Variants in COG5 observed in about 807,000 individuals in gnomAD.
The protein encoded by COG5 is conserved oligomeric Golgi complex subunit 5.
A neutral mutation model predicts 110.4 loss-of-function variants in COG5; 86 were observed. That is an observed-to-expected ratio of 0.78 (90% confidence interval 0.65 to 0.93). The LOEUF (loss-of-function observed/expected upper bound fraction) is 0.93, where lower values mean the gene tolerates loss of function less well. COG5 is among the 40% of genes least tolerant of loss of function. The pLI is 0.00. For synonymous variants in COG5, 360 were observed against 334.6 expected (o/e 1.08, Z -0.83); for missense variants, 1,077 against 987.0 (o/e 1.09, Z -1.22).
chr7:107,464,163 C>T (rs1451975557), intron 6 of COG5, among the ~76,000 whole-genome samples: 1 of 152,162 alleles, frequency 6.6e-6, no homozygotes, highest in Non-Finnish European at 1.5e-5. Flanking sequence ...ACTGCATTTA[C>T]ATTCAATTTC....
intron 7 of COG5, among the ~76,000 whole-genome samples, chr7:107,394,352 GTT>G (rs946552559): frequency 2.0e-5 from 3 of 150,450 alleles, no homozygotes; most frequent in African/African-American, 7.3e-5. Context: ...TGGCACAATC[GTT>G]TTCTTTACAA....
In COG5 at chr7:107,493,046, C is replaced by T. The variant is rs548838445; in HGVS notation, c.538+34191G>A. 7.2e-5 allele frequency among the ~76,000 whole-genome samples: 11 copies of T among 152,216 alleles called. No homozygotes were observed. In the Middle Eastern group the frequency reaches 0.01, roughly 141 times the overall value. ...GGGGCCTTTTGGGAGATGTTTAGCT[C>T]ATATAGGCTCCACCTTATGTACACA... On this transcript the variant is annotated intron_variant, in intron 6 of 21. Coordinates refer to ENST00000297135, the MANE Select transcript of COG5 (RefSeq NM_006348.5).
intron 12 of COG5, among the ~76,000 whole-genome samples, chr7:107,291,492 G>T (rs1806170261): frequency 1.3e-5 from 2 of 152,094 alleles, no homozygotes; most frequent in African/African-American, 4.8e-5. Context: ...TTATTTTAAT[G>T]AAGTCTATCT....
At chr7:107,288,523 T>A (rs1244078598) in intron 12 of COG5, among the ~76,000 whole-genome samples, 1 of 152,102 alleles carries the variant, frequency 6.6e-6, no homozygotes, top group Non-Finnish European at 1.5e-5. Flanking sequence ...CGTGACATAG[T>A]GGTTCTGATT....
chr7:107,557,558 A>G (rs1563099443), intron 2 of COG5, among the ~76,000 whole-genome samples: 1 of 152,262 alleles, frequency 6.6e-6, no homozygotes, highest in Non-Finnish European at 1.5e-5. Context: ...TCCTACTCAC[A>G]ATAACATTTA....
At chr7:107,250,128 T>G (rs1160239967) in intron 16 of COG5, among the ~76,000 whole-genome samples, 2 of 152,094 alleles carry the variant, frequency 1.3e-5, no homozygotes, top group Non-Finnish European at 2.9e-5. Flanking sequence ...GAGAGTAAAC[T>G]GGACAAATTA....
At chr7:107,452,282 C>G (rs1795386243) in intron 6 of COG5, among the ~76,000 whole-genome samples, 1 of 152,176 alleles carries the variant, frequency 6.6e-6, no homozygotes, top group African/African-American at 2.4e-5. Flanking sequence ...ACATTACTCC[C>G]TTGGAGTCAT....
intron 17 of COG5, among the ~76,000 whole-genome samples, chr7:107,247,899 G>C (rs1688443370): frequency 6.6e-6 from 1 of 152,196 alleles, no homozygotes; most frequent in African/African-American, 2.4e-5. Context: ...CTTGGAGGAG[G>C]TTGGGCTGCA....
intron 7 of COG5, among the ~76,000 whole-genome samples, chr7:107,379,869 G>C (rs545662249): frequency 7.9e-5 from 12 of 152,080 alleles, no homozygotes; most frequent in Non-Finnish European, 1.3e-4. Flanking sequence ...TGAGATCAAC[G>C]AGACAGAAAA....
intron 6 of COG5, among the ~76,000 whole-genome samples, chr7:107,526,430 T>C (rs570065942): frequency 2.0e-5 from 3 of 152,206 alleles, no homozygotes; most frequent in Non-Finnish European, 4.4e-5. Flanking sequence ...CCATGAACAT[T>C]AAACTCTTGA....
intron 10 of COG5, among the ~76,000 whole-genome samples, chr7:107,329,703 G>T (rs1810079325): frequency 6.6e-6 from 1 of 151,192 alleles, no homozygotes; most frequent in African/African-American, 2.4e-5. Context: ...ACCATCCTTG[G>T]CAACAGCGAG....
intron 8 of COG5, among the ~76,000 whole-genome samples, chr7:107,369,494 C>A (rs2129048987): frequency 6.7e-6 from 1 of 148,154 alleles, no homozygotes; most frequent in Non-Finnish European, 1.5e-5. Context: ...TCAAGCGATT[C>A]TCCTGCCTCA....
At chr7:107,390,035 G>A (rs1181971311) in intron 7 of COG5, among the ~76,000 whole-genome samples, 1 of 152,164 alleles carries the variant, frequency 6.6e-6, no homozygotes, top group Non-Finnish European at 1.5e-5. Context: ...TTCAACTCAT[G>A]TATCACTAAT....
At chr7:107,313,673 C>T (rs1381550835) in intron 11 of COG5, among the ~76,000 whole-genome samples, 2 of 152,124 alleles carry the variant, frequency 1.3e-5, no homozygotes, top group Non-Finnish European at 2.9e-5. Context: ...ATTACTCCTA[C>T]CTCTGTTTCC....
At chr7:107,305,904 T>G (rs1173156437) in intron 11 of COG5, among the ~76,000 whole-genome samples, 1 of 152,118 alleles carries the variant, frequency 6.6e-6, no homozygotes, top group Non-Finnish European at 1.5e-5. Flanking sequence ...ATACGCACTT[T>G]GTATGTACAA....
chr7:107,232,428 A>G (rs1800842983), intron 18 of COG5, among the ~76,000 whole-genome samples: 1 of 152,226 alleles, frequency 6.6e-6, no homozygotes, highest in African/African-American at 2.4e-5. Context: ...TTTTTTACAT[A>G]CTGAAATTAT....
intron 6 of COG5, among the ~76,000 whole-genome samples, chr7:107,483,926 A>G (rs1270290940): frequency 6.6e-6 from 1 of 151,646 alleles, no homozygotes; most frequent in Non-Finnish European, 1.5e-5. Context: ...TCACAAATTC[A>G]GTAAGATCCT....
intron 5 of COG5, among the ~76,000 whole-genome samples, chr7:107,545,476 T>C (rs1802343916): frequency 6.6e-6 from 1 of 152,088 alleles, no homozygotes; most frequent in Non-Finnish European, 1.5e-5. Context: ...GGATGATCTA[T>C]TCAAAGTGCT....
chr7:107,376,501 G>A (rs1315846306), intron 7 of COG5, among the ~76,000 whole-genome samples: 1 of 151,476 alleles, frequency 6.6e-6, no homozygotes, highest in Non-Finnish European at 1.5e-5. Context: ...TATATCTTTA[G>A]TTTAAATTAT....
Sources: gnomAD v4.1 joint callset for allele counts (sites outside exome capture counted in the v4.1 genomes callset) on GRCh38, gnomAD v4.1.1 for gene constraint, MANE v1.5 for transcripts, NCBI Gene and HGNC (gene_info 2026-07-23, HGNC 2026-07-21) for gene names.